The following RBMS3 variants were observed in gnomAD, a reference collection of about 807,000 sequenced individuals.
RBMS3 encodes RNA-binding motif, single-stranded-interacting protein 3.
In RBMS3, 27 loss-of-function variants were observed where a neutral mutation model predicts 66.8. The observed-to-expected ratio is 0.40, with a 90% CI of 0.30 to 0.56. The LOEUF is 0.56. Among genes scored for constraint, RBMS3 ranks in the 20% least tolerant of loss-of-function variants. The pLI is 0.40. For synonymous variants in RBMS3, 188 were observed against 183.0 expected (o/e 1.03, Z -0.22); for missense variants, 513 against 549.5 (o/e 0.93, Z 0.66).
At chr3:29,308,924 T>C (rs1180520229) in intron 1 of RBMS3, among the ~76,000 whole-genome samples, 1 of 151,618 alleles carries the variant, frequency 6.6e-6, no homozygotes, top group African/African-American at 2.4e-5. Context: ...TAAGTGCAGG[T>C]GATATTATCT....
Position 30,003,967 on chromosome 3 carries a change from T to TG in RBMS3, c.*105_*106insG, listed in dbSNP as rs1559882781. On this transcript the variant is annotated 3_prime_UTR_variant, in exon 15 of 15. Transcript: ENST00000383767. Reference sequence around the variant, plus strand: ...CACAGACGTCAATGGAATGCATTTTTTTGTTGTTGTTGTTGTTTTTTTTTT... The same window carrying TG: ...CACAGACGTCAATGGAATGCATTTTTGTTGTTGTTGTTGTTGTTTTTTTTTT... 1 of 1,024,744 alleles carries TG rather than the reference T, an allele frequency of 9.8e-7. No individual in the cohort carries two copies. The highest frequency in any genetic ancestry group is 1.3e-6 in the Non-Finnish European group (1 of 750,028). 63.5% of individuals were successfully genotyped at this position (1,024,744 alleles called of 1,614,324 possible).
intron 4 of RBMS3, among the ~76,000 whole-genome samples, chr3:29,653,161 T>C (rs143364084): frequency 1.2e-4 from 18 of 152,226 alleles, no homozygotes; most frequent in African/African-American, 4.1e-4. Flanking sequence ...TGGTGGAGTT[T>C]TAGATCAATA....
At chr3:29,392,370 G>A (rs774506852) in intron 1 of RBMS3, among the ~76,000 whole-genome samples, 1 of 152,048 alleles carries the variant, frequency 6.6e-6, no homozygotes, top group South Asian at 2.1e-4. Flanking sequence ...TTATTTTTTG[G>A]TTACTTGTTT....
chr3:29,995,894 C>T (rs1235127126), intron 14 of RBMS3, among the ~76,000 whole-genome samples: 2 of 151,880 alleles, frequency 1.3e-5, no homozygotes, highest in Non-Finnish European at 2.9e-5. Context: ...ATCATAATGA[C>T]AGGATCAAAT....
At chr3:29,728,829 C>G (rs1312570569) in intron 4 of RBMS3, among the ~76,000 whole-genome samples, 1 of 151,972 alleles carries the variant, frequency 6.6e-6, no homozygotes, top group Admixed American at 6.6e-5. Flanking sequence ...TGACTGCTTC[C>G]TCTATAACAC....
At chr3:29,743,444 T>C (rs1460139015) in intron 5 of RBMS3, among the ~76,000 whole-genome samples, 1 of 152,192 alleles carries the variant, frequency 6.6e-6, no homozygotes, top group East Asian at 1.9e-4. Context: ...AAAGTGTGGT[T>C]CCCAGATCAG....
intron 1 of RBMS3, among the ~76,000 whole-genome samples, chr3:29,406,270 A>G (rs1260159968): frequency 1.3e-5 from 2 of 152,208 alleles, no homozygotes; most frequent in African/African-American, 4.8e-5. Context: ...TAAAAAAGCA[A>G]TTAGTTTTAA....
At chr3:29,843,711 T>C (rs959278889) in intron 6 of RBMS3, among the ~76,000 whole-genome samples, 2 of 152,078 alleles carry the variant, frequency 1.3e-5, no homozygotes, top group Non-Finnish European at 2.9e-5. Context: ...TCCCAACACT[T>C]TGGGAGGCCA....
chr3:29,744,418 C>T (rs554887034), intron 5 of RBMS3, among the ~76,000 whole-genome samples: 4 of 152,202 alleles, frequency 2.6e-5, no homozygotes, highest in African/African-American at 9.6e-5. Context: ...TCTGTGGTAG[C>T]ACCAACCCAA....
intron 2 of RBMS3, among the ~76,000 whole-genome samples, chr3:29,482,701 C>CTTTTT (rs755520785): frequency 0.013 from 1,005 of 77,464 alleles, 66 homozygotes; most frequent in African/African-American, 0.021. Flanking sequence ...TTCTTTCTTT[C>CTTTTT]TTTTTTTTTT....
At chr3:29,486,070 A>G (rs2043306031) in intron 2 of RBMS3, among the ~76,000 whole-genome samples, 1 of 152,156 alleles carries the variant, frequency 6.6e-6, no homozygotes, top group African/African-American at 2.4e-5. Flanking sequence ...ATAAAAGCAT[A>G]ATTTCATAGG....
intron 1 of RBMS3, among the ~76,000 whole-genome samples, chr3:29,385,521 C>G (rs2038973289): frequency 2.0e-5 from 3 of 152,150 alleles, no homozygotes; most frequent in Non-Finnish European, 4.4e-5. Context: ...ACTGCTGGTG[C>G]CAGTGGGCCT....
intron 12 of RBMS3, among the ~76,000 whole-genome samples, chr3:29,980,777 T>G (rs544441275): frequency 6.6e-6 from 1 of 152,174 alleles, no homozygotes; most frequent in African/African-American, 2.4e-5. Context: ...TCTGTTCTTT[T>G]CCCTTGGTCT....
At chr3:29,348,817 C>T (rs2036737957) in intron 1 of RBMS3, among the ~76,000 whole-genome samples, 1 of 152,262 alleles carries the variant, frequency 6.6e-6, no homozygotes, top group African/African-American at 2.4e-5. Context: ...AGCTCCCATT[C>T]AATAATCCAT....
chr3:29,713,380 C>G (rs781377670), intron 4 of RBMS3, among the ~76,000 whole-genome samples: 12 of 152,008 alleles, frequency 7.9e-5, no homozygotes, highest in Non-Finnish European at 1.5e-4. Context: ...ATACCATTCC[C>G]AGAGTCAAAG....
chr3:29,690,763 TTG>T (rs998747371), intron 4 of RBMS3, among the ~76,000 whole-genome samples: 1 of 152,236 alleles, frequency 6.6e-6, no homozygotes, highest in Non-Finnish European at 1.5e-5. Context: ...AGTTTGAACT[TTG>T]TGCTCTGTCA....
chr3:29,775,101 A>T (rs922905453), intron 6 of RBMS3, among the ~76,000 whole-genome samples: 1 of 151,868 alleles, frequency 6.6e-6, no homozygotes, highest in African/African-American at 2.4e-5. Flanking sequence ...ATGAAGAAAG[A>T]TAACCAAGAT....
At chr3:29,586,495 C>A (rs553217517) in intron 3 of RBMS3, among the ~76,000 whole-genome samples, 1 of 152,062 alleles carries the variant, frequency 6.6e-6, no homozygotes, top group Non-Finnish European at 1.5e-5. Context: ...TTTCACAGAT[C>A]TGTACGAGTC....
At chr3:29,644,656 G>T (rs148355978) in intron 4 of RBMS3, among the ~76,000 whole-genome samples, 137 of 152,260 alleles carry the variant, frequency 9.0e-4, no homozygotes, top group Non-Finnish European at 1.7e-3. Context: ...GTTTTGAACT[G>T]TCATCCAATA....
Sources: gnomAD v4.1 joint callset for allele counts (sites outside exome capture counted in the v4.1 genomes callset) on GRCh38, gnomAD v4.1.1 for gene constraint, MANE v1.5 for transcripts, NCBI Gene and HGNC (gene_info 2026-07-23, HGNC 2026-07-21) for gene names.